Variants in AAK1 observed in about 807,000 individuals in gnomAD.
AAK1 encodes the protein AP2 associated kinase 1.
AAK1 carries 37 observed loss-of-function variants against 116.0 expected under a neutral mutation model. The ratio of observed to expected loss-of-function variants is 0.32; its 90% CI spans 0.25 to 0.42. The LOEUF is 0.42. Among genes scored for constraint, AAK1 ranks in the 10% least tolerant of loss-of-function variants. The pLI is 1.00. For synonymous variants in AAK1, 458 were observed against 439.9 expected, an observed-to-expected ratio of 1.04 and a Z score of -0.51; for missense variants, 919 against 1,170.6, an observed-to-expected ratio of 0.79 and a Z score of 3.14.
intron 17 of AAK1, among the ~76,000 whole-genome samples, chr2:69,487,104 T>C (rs2104908888): frequency 6.6e-6 from 1 of 152,356 alleles, no homozygotes; most frequent in African/African-American, 2.4e-5. Context: ...ATTCTTCTGG[T>C]TTAACTAAAG....
In AAK1 at chr2:69,467,319, C is replaced by T. The variant is rs1050219230; in HGVS notation, c.*8550G>A. Reference sequence around the variant, plus strand: ...GCCATTACAGAAGCATTAGCAAACTCCAATATACTAGTCTATTTCTATCTA... The same window carrying T: ...GCCATTACAGAAGCATTAGCAAACTTCAATATACTAGTCTATTTCTATCTA... On this transcript the variant is annotated 3_prime_UTR_variant, in exon 22 of 22. Transcript: ENST00000409085. 4 of 985,292 alleles carry T rather than the reference C, an allele frequency of 4.1e-6. No individual in the cohort carries two copies. The highest frequency in any genetic ancestry group is 1.7e-5 in the African/African-American group (1 of 57,236). 61.0% of individuals were successfully genotyped at this position (985,292 alleles called of 1,614,324 possible). A position where few individuals can be genotyped will look rare whatever the true frequency, so the allele number is the denominator to read the frequency against.
chr2:69,521,256 A>T lies in AAK1; in HGVS notation c.1056-268T>A, dbSNP rs75197314. On this transcript the variant is annotated intron_variant, in intron 10 of 21. Transcript: ENST00000409085. ...ACTTTTCATGTGCGAATATGCAAGG[A>T]CAATCTCAAAAAGAATGCTATATAG... Among the ~76,000 whole-genome samples the T allele has an allele frequency of 3.5e-4, 54 of 152,320 alleles. 1 individual carries two copies. The East Asian group carries it at 9.5e-3, about 27-fold the overall frequency.
chr2:69,569,109 C>G (rs1671992694), intron 2 of AAK1, among the ~76,000 whole-genome samples: 1 of 152,166 alleles, frequency 6.6e-6, no homozygotes, highest in African/African-American at 2.4e-5. Context: ...CAGTCTCTTT[C>G]TAAAACTTGT....
chr2:69,533,636 T>C (rs1243827578), intron 5 of AAK1, among the ~76,000 whole-genome samples: 1 of 152,234 alleles, frequency 6.6e-6, no homozygotes, highest in African/African-American at 2.4e-5. Flanking sequence ...TTAACTTACA[T>C]TCCTTGGAAC....
chr2:69,629,601 C>T (rs13403640), intron 2 of AAK1, among the ~76,000 whole-genome samples: 20,051 of 152,162 alleles, frequency 0.13, 3,058 homozygotes, highest in African/African-American at 0.36. Context: ...TCCTCAAACA[C>T]AGATCTATTA....
intron 3 of AAK1, among the ~76,000 whole-genome samples, 154 bp downstream of exon 3, chr2:69,556,706 C>T (rs535325826): frequency 1.2e-4 from 18 of 152,190 alleles, no homozygotes; most frequent in African/African-American, 3.9e-4. Context: ...AAGGCAAGGG[C>T]GGTGTCCTAT....
In AAK1 at chr2:69,469,150, A is replaced by T; in HGVS notation, c.*6719T>A. On this transcript the variant is annotated 3_prime_UTR_variant, in exon 22 of 22. Transcript: ENST00000409085. ...GAAGGCCAAGTCCCTTAACCTTTCT[A>T]TTCTTGTTAGAGGAGGTACAGTGTG... 2 of 985,402 alleles carry T rather than the reference A, an allele frequency of 2.0e-6. No homozygotes were observed. Among genetic ancestry groups the T allele is most frequent in the Non-Finnish European group, 2.4e-6 (2 of 829,944 alleles). The allele number at this position is 985,402 out of a possible 1,614,324, so 61.0% of individuals were successfully genotyped here.
intron 3 of AAK1, among the ~76,000 whole-genome samples, chr2:69,553,225 A>T (rs1380818864): frequency 6.6e-6 from 1 of 152,156 alleles, no homozygotes; most frequent in South Asian, 2.1e-4. Flanking sequence ...AAACAAAGAG[A>T]AAATTTGTAA....
At chr2:69,588,558 T>G (rs1249055904) in intron 2 of AAK1, among the ~76,000 whole-genome samples, 3 of 152,188 alleles carry the variant, frequency 2.0e-5, no homozygotes, top group Admixed American at 6.5e-5. Context: ...CTCCAAATGA[T>G]CAAAGCAGGC....
chr2:69,489,343 C>A lies in AAK1; in HGVS notation c.2366-6531G>T, dbSNP rs193027984. On this transcript the variant is annotated intron_variant, in intron 17 of 21. Transcript: ENST00000409085. ...GCGCATGCCTGTAATCTGAGCTACTCGGGGGGCTGAGGCAGGAGAATTGCT... is the reference window on the plus strand; with the variant it reads ...GCGCATGCCTGTAATCTGAGCTACTAGGGGGGCTGAGGCAGGAGAATTGCT... 2.9e-4 allele frequency among the ~76,000 whole-genome samples: 43 copies of A among 150,180 alleles called. No individual in the cohort carries two copies. The East Asian group carries it at 8.3e-3, about 29-fold the overall frequency.
Position 69,474,490 on chromosome 2 carries a change from T to A in AAK1, c.*1379A>T. The A allele has an allele frequency of 2.0e-6, 2 of 985,244 alleles. No homozygotes were observed. The highest frequency in any genetic ancestry group is 1.2e-6 in the Non-Finnish European group (1 of 829,642). 61.0% of individuals were successfully genotyped at this position (985,244 alleles called of 1,614,324 possible). On this transcript the variant is annotated 3_prime_UTR_variant, in exon 22 of 22. Coordinates refer to ENST00000409085, the MANE Select transcript of AAK1 (RefSeq NM_014911.5). ...TCATGTTAGTGCAGGGGCCTTTATTTATTTTATGAACAATATCCTAAAGTT... is the reference window on the plus strand; with the variant it reads ...TCATGTTAGTGCAGGGGCCTTTATTAATTTTATGAACAATATCCTAAAGTT...
At chr2:69,597,391 C>G (rs1292778149) in intron 2 of AAK1, 3 of 155,580 alleles carry the variant, frequency 1.9e-5, no homozygotes, top group Non-Finnish European at 4.3e-5. Flanking sequence ...TAGGATGTCA[C>G]TAGGATCCCT....
At chr2:69,510,361 C>A (rs777270023) in intron 13 of AAK1, among the ~76,000 whole-genome samples, 3 of 152,208 alleles carry the variant, frequency 2.0e-5, no homozygotes, top group Non-Finnish European at 4.4e-5. Context: ...CAACCATGTT[C>A]TTGCAAAGCC....
Position 69,471,484 on chromosome 2 carries a change from G to GT in AAK1, c.*4384dup, listed in dbSNP as rs1674680294. ...AAGATAGCTTTGCAGTATCTGGAGT[G>GT]TTTCAGGAAAGCTTCCATTCTAAAT... On this transcript the variant is annotated 3_prime_UTR_variant, in exon 22 of 22. Coordinates refer to ENST00000409085, the MANE Select transcript of AAK1 (RefSeq NM_014911.5). 2 of 985,440 alleles carry GT rather than the reference G, an allele frequency of 2.0e-6. No individual in the cohort carries two copies. The highest frequency in any genetic ancestry group is 1.2e-6 in the Non-Finnish European group (1 of 829,932). The allele number at this position is 985,440 out of a possible 1,614,324, so 61.0% of individuals were successfully genotyped here.
intron 2 of AAK1, among the ~76,000 whole-genome samples, chr2:69,567,257 C>T (rs1330242420): frequency 1.3e-5 from 2 of 152,352 alleles, no homozygotes; most frequent in South Asian, 2.1e-4. Flanking sequence ...TCAGGCTAAA[C>T]GTTACTTCCT....
rs1351965090 is a variant in AAK1, at chr2:69,505,679, G to A, written c.2165-6C>T. 2 of 1,609,868 alleles carry A rather than the reference G, an allele frequency of 1.2e-6. No individual in the cohort carries two copies. Among genetic ancestry groups the A allele is most frequent in the East Asian group, 2.2e-5 (1 of 44,838 alleles). On this transcript the variant is annotated splice_region_variant and splice_polypyrimidine_tract_variant and intron_variant, in intron 15 of 21. Transcript: ENST00000409085. ...AAGCTTCTCGGGATGTTTGCCTGGA[G>A]AGACAAAACACCACTCAGTTCATTC...
chr2:69,580,018 T>C (rs897506392), intron 2 of AAK1, among the ~76,000 whole-genome samples: 1 of 152,172 alleles, frequency 6.6e-6, no homozygotes, highest in Non-Finnish European at 1.5e-5. Context: ...CCCAATGCTG[T>C]GACCACCATC....
At chr2:69,638,194 A>G (rs1675533222) in intron 2 of AAK1, among the ~76,000 whole-genome samples, 1 of 152,224 alleles carries the variant, frequency 6.6e-6, no homozygotes, top group African/African-American at 2.4e-5. Flanking sequence ...TCAGGTGCTT[A>G]TAACTAAATC....
At chr2:69,625,471 A>C (rs776440308) in intron 2 of AAK1, among the ~76,000 whole-genome samples, 2 of 152,242 alleles carry the variant, frequency 1.3e-5, no homozygotes, top group Non-Finnish European at 2.9e-5. Flanking sequence ...AATAAAATGC[A>C]TATATAAAAA....
Sources: allele counts gnomAD v4.1 joint callset (sites outside exome capture counted in the v4.1 genomes callset), GRCh38; gene constraint gnomAD v4.1.1; transcripts MANE v1.5; gene names NCBI Gene and HGNC (gene_info 2026-07-23, HGNC 2026-07-21).